DRC4: variants seen among roughly 807,000 people sequenced by gnomAD.
The protein encoded by DRC4 is dynein regulatory complex subunit 4.
chr16:90,019,694 C>G, the DRC4 span: 1 of 566,842 alleles, frequency 1.8e-6, no homozygotes, highest in Non-Finnish European at 3.1e-6. This position sits in a 1 kb window ranked among gnomAD's most constrained non-coding sequence, Gnocchi z 6.1. Flanking sequence ...CCCTCCCGAC[C>G]CCGGCCGGGC....
chr16:90,042,601 C>A, the DRC4 span: 1 of 1,417,748 alleles, frequency 7.1e-7, no homozygotes, highest in Non-Finnish European at 9.9e-7. Flanking sequence ...TAAATGCAGA[C>A]GGTCTCTGAG....
the DRC4 span, among the ~76,000 whole-genome samples, chr16:90,034,450 C>T: frequency 2.0e-5 from 3 of 152,004 alleles, no homozygotes; most frequent in Non-Finnish European, 2.9e-5. Flanking sequence ...GGTGAAACCC[C>T]GTCTCTACTA....
chr16:90,036,648 A>G, the DRC4 span: 2 of 1,460,610 alleles, frequency 1.4e-6, no homozygotes, highest in Admixed American at 2.0e-5. Flanking sequence ...TGGGCTGCAG[A>G]GTCCTGGGGA....
At chr16:90,037,354 G>T in the DRC4 span, 45 of 1,613,918 alleles carry the variant, frequency 2.8e-5, no homozygotes, top group Non-Finnish European at 3.8e-5. Context: ...TGAGCGAGAT[G>T]CAGAAACAGC....
At chr16:90,031,119 T>A in the DRC4 span, 80 of 1,391,510 alleles carry the variant, frequency 5.7e-5, no homozygotes, top group East Asian at 2.0e-3. Context: ...TGCCACCTGC[T>A]GAATGCATTC....
chr16:90,028,173 A>ATTTTTTTTTTTTTTTTTT, the DRC4 span, among the ~76,000 whole-genome samples: 6 of 63,848 alleles, frequency 9.4e-5, 1 homozygote, highest in Admixed American at 4.8e-4. Flanking sequence ...TTAATCGTTC[A>ATTTTTTTTTTTTTTTTTT]TTTTTTTTTT....
chr16:90,031,733 C>G, the DRC4 span, among the ~76,000 whole-genome samples: 2 of 152,230 alleles, frequency 1.3e-5, no homozygotes, highest in Admixed American at 6.5e-5. Context: ...GTTTGCAACT[C>G]AGCTCTGCCA....
the DRC4 span, among the ~76,000 whole-genome samples, chr16:90,039,023 G>A: frequency 2.0e-5 from 3 of 152,242 alleles, no homozygotes; most frequent in Admixed American, 2.0e-4. Flanking sequence ...CCATCTGTCT[G>A]TCAGATCTAG....
chr16:90,035,962 G>A, the DRC4 span: 3 of 1,343,216 alleles, frequency 2.2e-6, no homozygotes, highest in East Asian at 2.6e-5. Flanking sequence ...TAGCTATTCA[G>A]TGCCGTGGGC....
the DRC4 span, chr16:90,037,892 G>T: frequency 1.3e-6 from 2 of 1,554,406 alleles, no homozygotes; most frequent in South Asian, 2.2e-5. Flanking sequence ...GTGGGTGTTA[G>T]AGCAACGGTT....
At chr16:90,032,975 C>A in the DRC4 span, 1 of 1,485,312 alleles carries the variant, frequency 6.7e-7, no homozygotes, top group Non-Finnish European at 9.3e-7. Context: ...GGACGGCAAG[C>A]CTAGTGCTGC....
chr16:90,019,751 C>T, the DRC4 span: 2 of 666,766 alleles, frequency 3.0e-6, no homozygotes, highest in Non-Finnish European at 5.4e-6. This position sits in a 1 kb window ranked among gnomAD's most constrained non-coding sequence, Gnocchi z 6.1. Context: ...CCGCTGGCGT[C>T]CTCTTGTTCT....
the DRC4 span, chr16:90,036,678 C>G: frequency 9.5e-7 from 1 of 1,054,736 alleles, no homozygotes. Flanking sequence ...CAGCTCTCCA[C>G]CCCAACACAC....
chr16:90,035,065 G>A, the DRC4 span, among the ~76,000 whole-genome samples: 8 of 152,044 alleles, frequency 5.3e-5, no homozygotes, highest in African/African-American at 7.2e-5. Context: ...CACCATGCCC[G>A]GCTAATTTTG....
At chr16:90,036,816 G>A in the DRC4 span, 1 of 662,396 alleles carries the variant, frequency 1.5e-6, no homozygotes, top group Non-Finnish European at 2.7e-6. Flanking sequence ...GTAGTGCAGA[G>A]GGGGAAGTAA....
chr16:90,041,786 G>A, the DRC4 span, among the ~76,000 whole-genome samples: 8 of 152,158 alleles, frequency 5.3e-5, no homozygotes, highest in East Asian at 3.9e-4. Context: ...GCAACGGGGC[G>A]AGACTCCATC....
the DRC4 span, among the ~76,000 whole-genome samples, chr16:90,026,083 T>C: frequency 1.3e-5 from 2 of 152,178 alleles, no homozygotes; most frequent in African/African-American, 4.8e-5. Context: ...ATCACACCAC[T>C]GCACTCCAGC....
chr16:90,027,058 A>G, the DRC4 span, among the ~76,000 whole-genome samples: 2 of 148,946 alleles, frequency 1.3e-5, no homozygotes, highest in African/African-American at 5.0e-5. Flanking sequence ...GACTATAGGC[A>G]CACACCAGCA....
chr16:90,022,547 G>A, the DRC4 span: 61 of 595,868 alleles, frequency 1.0e-4, no homozygotes, highest in East Asian at 7.7e-4. Flanking sequence ...GGTTCCTTCC[G>A]GACGCCCGTC....
Sources: allele counts gnomAD v4.1 joint callset (sites outside exome capture counted in the v4.1 genomes callset), GRCh38; gene constraint gnomAD v4.1.1; non-coding constraint Gnocchi (gnomAD v3.1); transcripts MANE v1.5; gene names NCBI Gene and HGNC (gene_info 2026-07-23, HGNC 2026-07-21).